Variants in MBNL3 observed in about 807,000 individuals in gnomAD.
MBNL3 encodes the protein muscleblind-like protein 3.
Under a neutral mutation model 24.5 loss-of-function variants are expected in MBNL3, and 6 were observed. The observed-to-expected ratio is 0.25, with a 90% CI of 0.13 to 0.48. The LOEUF is 0.48. MBNL3 is among the 20% of genes least tolerant of loss of function. The pLI is 0.99. For synonymous variants in MBNL3, 100 were observed against 101.7 expected, an observed-to-expected ratio of 0.98 and a Z score of 0.10; for missense variants, 230 against 293.5, an observed-to-expected ratio of 0.78 and a Z score of 1.58.
chrX:132,425,299 G>A (rs1435616105), intron 2 of MBNL3, among the ~76,000 whole-genome samples: 1 of 111,693 alleles, frequency 9.0e-6, no homozygotes, highest in Non-Finnish European at 1.9e-5. Context: ...AAGTCTAAGA[G>A]ACTGGGCTGA....
chrX:132,443,221 C>G (rs1312143764), intron 1 of MBNL3, among the ~76,000 whole-genome samples: 1 of 111,347 alleles, frequency 9.0e-6, no homozygotes, highest in Non-Finnish European at 1.9e-5. Flanking sequence ...AAGTGATAAC[C>G]CAAAACACTG....
At chrX:132,454,494 A>C (rs1037903492) in intron 1 of MBNL3, among the ~76,000 whole-genome samples, 7 of 111,803 alleles carry the variant, frequency 6.3e-5, no homozygotes, top group African/African-American at 2.3e-4. Context: ...ATAAATTCAG[A>C]TTCTCAATCT....
At chrX:132,444,875 C>T (rs1467073765) in intron 1 of MBNL3, among the ~76,000 whole-genome samples, 1 of 111,596 alleles carries the variant, frequency 9.0e-6, no homozygotes, top group Non-Finnish European at 1.9e-5. Flanking sequence ...AGAAGAAAGA[C>T]ATGTTTTCTT....
chrX:132,443,835 A>AT (rs1400224785), intron 1 of MBNL3, among the ~76,000 whole-genome samples: 1 of 110,830 alleles, frequency 9.0e-6, no homozygotes, highest in African/African-American at 3.3e-5. Flanking sequence ...ATTGCTCCCC[A>AT]TATTTCTCTT....
intron 1 of MBNL3, among the ~76,000 whole-genome samples, chrX:132,463,789 C>T (rs1946754647): frequency 8.9e-6 from 1 of 112,272 alleles, no homozygotes; most frequent in Admixed American, 9.4e-5. Context: ...ATTATTAGAA[C>T]TCAATCAATT....
intron 1 of MBNL3, among the ~76,000 whole-genome samples, chrX:132,455,826 A>G (rs1234837016): frequency 1.8e-5 from 2 of 112,152 alleles, no homozygotes; most frequent in African/African-American, 6.5e-5. Flanking sequence ...GAGAAAGGCA[A>G]TCGCTTGCTT....
intron 1 of MBNL3, among the ~76,000 whole-genome samples, chrX:132,471,652 T>C (rs1173985447): frequency 8.8e-6 from 1 of 113,141 alleles, no homozygotes; most frequent in Non-Finnish European, 1.9e-5. Context: ...ATCGTGCCAC[T>C]GGCACTGCAG....
At chrX:132,465,172 A>C (rs1165148125) in intron 1 of MBNL3, among the ~76,000 whole-genome samples, 1 of 112,421 alleles carries the variant, frequency 8.9e-6, no homozygotes, top group Non-Finnish European at 1.9e-5. Context: ...AGGCTATCAA[A>C]AAGCTTACCT....
chrX:132,405,768 T>C (rs887162412), intron 3 of MBNL3, among the ~76,000 whole-genome samples: 1 of 105,860 alleles, frequency 9.4e-6, no homozygotes, highest in African/African-American at 3.5e-5. Context: ...TACCAGCTAC[T>C]TGGGAGGCTG....
intron 6 of MBNL3, 133 bp from the exon 7 acceptor site, chrX:132,384,831 A>G (rs1466325481): frequency 1.1e-5 from 5 of 453,506 alleles, no homozygotes; most frequent in Non-Finnish European, 1.7e-5. Flanking sequence ...AAGTCCAACA[A>G]TCTCCCATGT....
At position 132,462,864 on chromosome X, in the gene MBNL3, A is replaced by C. The variant is rs1391828192; in HGVS notation, c.-703-22550T>G. 2.8e-4 allele frequency among the ~76,000 whole-genome samples: 31 copies of C among 111,698 alleles called. No individual in the cohort carries two copies. The Admixed American group carries it at 2.9e-3, about 10-fold the overall frequency. On this transcript the variant is annotated intron_variant, in intron 1 of 8. Transcript: ENST00000370853. ...ACTTCACCTGAAACCCAACTAAACCAGACTTTAGTTATTTAGGGCACTTAG... is the reference window on the plus strand; with the variant it reads ...ACTTCACCTGAAACCCAACTAAACCCGACTTTAGTTATTTAGGGCACTTAG...
intron 6 of MBNL3, among the ~76,000 whole-genome samples, chrX:132,385,917 A>C (rs767647458): frequency 2.7e-5 from 3 of 109,891 alleles, no homozygotes; most frequent in South Asian, 3.8e-4. Context: ...GAAAAAAAAA[A>C]CTGCTGTACT....
At chrX:132,482,080 G>A (rs952080685) in intron 1 of MBNL3, among the ~76,000 whole-genome samples, 1 of 112,353 alleles carries the variant, frequency 8.9e-6, no homozygotes, top group African/African-American at 3.2e-5. Context: ...TGGGAAGGGT[G>A]GGGGTTGGGG....
intron 3 of MBNL3, among the ~76,000 whole-genome samples, chrX:132,402,996 A>G (rs774513125): frequency 8.9e-6 from 1 of 112,071 alleles, no homozygotes; most frequent in African/African-American, 3.2e-5. Flanking sequence ...GCAACCTTAC[A>G]AATATCAGGA....
At chrX:132,472,342 G>T (rs1947225008) in intron 1 of MBNL3, among the ~76,000 whole-genome samples, 1 of 112,008 alleles carries the variant, frequency 8.9e-6, no homozygotes, top group African/African-American at 3.2e-5. Context: ...ATGATGTACA[G>T]ACACAAGAGA....
In MBNL3 at chrX:132,409,720, G is replaced by A. The variant is rs1287884473; in HGVS notation, c.178-3328C>T. On this transcript the variant is annotated intron_variant, in intron 2 of 8. Transcript: ENST00000370853. ...CAGAGCAGGCTACGTACTAAAATCA[G>A]CAGCTAAGGGGAGTCAAGACATGAA... is the stretch of plus-strand genomic sequence containing the variant. Among the ~76,000 whole-genome samples the A allele has an allele frequency of 2.7e-5, 3 of 111,008 alleles. No homozygotes were observed. The South Asian group carries it at 1.2e-3, about 43-fold the overall frequency.
chrX:132,396,395 T>G (rs1295693738), intron 3 of MBNL3, among the ~76,000 whole-genome samples: 2 of 85,008 alleles, frequency 2.4e-5, no homozygotes, highest in Non-Finnish European at 4.3e-5. Context: ...TATATATTCC[T>G]ATATATATTC....
chrX:132,418,413 G>A (rs762158891), intron 2 of MBNL3, among the ~76,000 whole-genome samples: 1 of 111,675 alleles, frequency 9.0e-6, no homozygotes, highest in Non-Finnish European at 1.9e-5. Flanking sequence ...AAGTGAAGAC[G>A]CATGCCCAAG....
At chrX:132,487,166 T>A (rs1417863308) in intron 1 of MBNL3, among the ~76,000 whole-genome samples, 1 of 110,994 alleles carries the variant, frequency 9.0e-6, no homozygotes, top group African/African-American at 3.3e-5. Context: ...TTTTCTTTTT[T>A]TTTAAGGATG....
Sources: gnomAD v4.1 joint callset for allele counts (sites outside exome capture counted in the v4.1 genomes callset) on GRCh38, gnomAD v4.1.1 for gene constraint, MANE v1.5 for transcripts, NCBI Gene and HGNC (gene_info 2026-07-23, HGNC 2026-07-21) for gene names.